CFAP69: variants seen among roughly 807,000 people sequenced by gnomAD.
The protein encoded by CFAP69 is cilia and flagella associated protein 69, also known as cilia- and flagella-associated protein 69.
CFAP69 carries 92 observed loss-of-function variants against 123.0 expected under a neutral mutation model. The ratio of observed to expected loss-of-function variants is 0.75; its 90% CI spans 0.63 to 0.89. The LOEUF (loss-of-function observed/expected upper bound fraction) is 0.89. Ranked by LOEUF, CFAP69 falls within the 40% of genes least tolerant of loss-of-function variation. The pLI is 0.00. For synonymous variants in CFAP69, 380 were observed against 364.3 expected, an observed-to-expected ratio of 1.04 and a Z score of -0.49; for missense variants, 1,067 against 1,096.9, an observed-to-expected ratio of 0.97 and a Z score of 0.39.
chr7:90,309,910 T>C (rs1344494934), intron 22 of CFAP69, among the ~76,000 whole-genome samples, 158 bp from the exon 23 acceptor site: 2 of 152,238 alleles, frequency 1.3e-5, no homozygotes, highest in Non-Finnish European at 2.9e-5. Context: ...CTACTTTTCC[T>C]GGCTCCGATG....
At chr7:90,288,700 A>T (rs982281997) in intron 15 of CFAP69, among the ~76,000 whole-genome samples, 4 of 152,202 alleles carry the variant, frequency 2.6e-5, no homozygotes, top group Non-Finnish European at 5.9e-5. Context: ...TAGGGCACTT[A>T]TAAATGGAGC....
chr7:90,305,903 A>G (rs1208776595), intron 19 of CFAP69, among the ~76,000 whole-genome samples: 3 of 149,042 alleles, frequency 2.0e-5, no homozygotes, highest in Non-Finnish European at 4.5e-5. Flanking sequence ...GTATATTTGG[A>G]TGTTGTAAAT....
chr7:90,291,320 T>A (rs894144227), intron 15 of CFAP69, among the ~76,000 whole-genome samples: 7 of 152,152 alleles, frequency 4.6e-5, no homozygotes, highest in Non-Finnish European at 8.8e-5. Flanking sequence ...GCCATGGCAT[T>A]TGTAAACTGT....
chr7:90,248,771 C>A (rs1796612498), intron 1 of CFAP69, among the ~76,000 whole-genome samples: 1 of 152,060 alleles, frequency 6.6e-6, no homozygotes, highest in Non-Finnish European at 1.5e-5. Context: ...CATACTTTTC[C>A]AGTTTCGAAA....
At chr7:90,273,214 A>C (rs1218803932) in intron 8 of CFAP69, among the ~76,000 whole-genome samples, 1 of 152,192 alleles carries the variant, frequency 6.6e-6, no homozygotes, top group Non-Finnish European at 1.5e-5. Flanking sequence ...AAAACAAGTG[A>C]AAATATAATT....
chr7:90,276,955 C>A, intron 9 of CFAP69, 118 bp from the exon 10 acceptor site: 1 of 694,584 alleles, frequency 1.4e-6, no homozygotes, highest in Non-Finnish European at 2.2e-6. Flanking sequence ...TTTATGAATT[C>A]AAATGAATGA....
rs116258596 is a variant in CFAP69 at position 90,266,336 on chromosome 7, G to A, written c.433+959G>A. 9.8e-3 allele frequency among the ~76,000 whole-genome samples: 1,493 copies of A among 151,974 alleles called. 24 individuals are homozygous for A. The highest frequency in any genetic ancestry group is 0.033 in the African/African-American group (1,364 of 41,466). ...TGAGATTAGGTTAAACATGAAGGGG[G>A]CAATTTAAAGAAAAACACCTTAGGA... On this transcript the variant is annotated intron_variant, in intron 5 of 22. Coordinates refer to ENST00000389297, the MANE Select transcript of CFAP69 (RefSeq NM_001039706.3).
chr7:90,321,832 G>A, the CFAP69 span, among the ~76,000 whole-genome samples: 2 of 152,138 alleles, frequency 1.3e-5, no homozygotes, highest in African/African-American at 4.8e-5. Flanking sequence ...ACCCGAGCAA[G>A]TACCTTGAAT....
chr7:90,291,684 AG>A (rs1360478519), intron 15 of CFAP69, among the ~76,000 whole-genome samples: 6 of 152,102 alleles, frequency 3.9e-5, no homozygotes, highest in Non-Finnish European at 8.8e-5. Context: ...CAGGCTGAAG[AG>A]GGGTGATGAT....
rs1476493819 is a variant in CFAP69 at position 90,297,845 on chromosome 7, A to G, written c.1857+15A>G. 6.5e-7 allele frequency: 1 copy of G among 1,528,876 alleles called. No homozygotes were observed. The allele number at this position is 1,528,876 out of a possible 1,614,324, so 94.7% of individuals were successfully genotyped here. A position where few individuals can be genotyped will look rare whatever the true frequency, so the allele number is the denominator to read the frequency against. ...ATTTGTTAGCAGTAAGTATGGCTAT[A>G]ACAATCATAAGACAAAAGACAAATA... On this transcript the variant is annotated intron_variant, in intron 16 of 22. Coordinates refer to ENST00000389297, the MANE Select transcript of CFAP69 (RefSeq NM_001039706.3).
the CFAP69 span, among the ~76,000 whole-genome samples, chr7:90,322,864 AT>A: frequency 6.6e-6 from 1 of 152,210 alleles, no homozygotes; most frequent in Non-Finnish European, 1.5e-5. Flanking sequence ...ATATAAATCA[AT>A]AATAGAAAAA....
intron 15 of CFAP69, among the ~76,000 whole-genome samples, chr7:90,295,741 A>G (rs753365804): frequency 6.6e-6 from 1 of 152,102 alleles, no homozygotes; most frequent in African/African-American, 2.4e-5. Context: ...AAGAATGGCT[A>G]CTCCATAATC....
chr7:90,322,884 A>G, the CFAP69 span, among the ~76,000 whole-genome samples: 25 of 152,216 alleles, frequency 1.6e-4, no homozygotes, highest in African/African-American at 4.3e-4. Flanking sequence ...AATAAGGGTA[A>G]TTGACAGAAG....
chr7:90,251,266 T>G (rs1584294834), intron 1 of CFAP69, among the ~76,000 whole-genome samples: 1 of 151,998 alleles, frequency 6.6e-6, no homozygotes, highest in African/African-American at 2.4e-5. Flanking sequence ...AAAAGAAAGG[T>G]GTGGGGGAGG....
chr7:90,295,718 A>C (rs1405878099), intron 15 of CFAP69, among the ~76,000 whole-genome samples: 1 of 152,222 alleles, frequency 6.6e-6, no homozygotes, highest in Admixed American at 6.5e-5. Flanking sequence ...TTATTAGGAA[A>C]GTAAAAGAAT....
chr7:90,297,614 G>GT, intron 15 of CFAP69, 135 bp from the exon 16 acceptor site: 1 of 533,016 alleles, frequency 1.9e-6, no homozygotes, highest in Non-Finnish European at 3.2e-6. Flanking sequence ...ATTTTTTTAG[G>GT]TAAAAACATT....
At position 90,246,508 on chromosome 7, in the gene CFAP69, T is replaced by C. The variant is rs1166304753; in HGVS notation, c.120+964T>C. On this transcript the variant is annotated intron_variant, in intron 1 of 22. Coordinates refer to ENST00000389297, the MANE Select transcript of CFAP69 (RefSeq NM_001039706.3). ...GTGGTCAGTTGACTGGGGAATAGAG[T>C]TGAGCTCTCTGAGGTCTGACATTTA... Among the ~76,000 whole-genome samples, 7 of 152,246 alleles carry C rather than the reference T, an allele frequency of 4.6e-5. No individual in the cohort carries two copies. In the East Asian group the frequency reaches 1.4e-3, roughly 29 times the overall value.
chr7:90,322,033 T>TGGTGAGATCATGG, the CFAP69 span, among the ~76,000 whole-genome samples: 1 of 148,748 alleles, frequency 6.7e-6, no homozygotes, highest in African/African-American at 2.5e-5. Flanking sequence ...TGAGCTGGGA[T>TGGTGAGATCATGG]GGTGAGATCA....
chr7:90,252,914 T>C lies in CFAP69; in HGVS notation c.121-2509T>C, dbSNP rs747704188. On this transcript the variant is annotated intron_variant, in intron 1 of 22. Coordinates refer to ENST00000389297, the MANE Select transcript of CFAP69 (RefSeq NM_001039706.3). ...AATGAATAATGATTATGTAGAAGTA[T>C]GGAAAAGTATGTATTGCAGATTTAA... Among the ~76,000 whole-genome samples, 17 of 152,328 alleles carry C rather than the reference T, an allele frequency of 1.1e-4. No homozygotes were observed. In the Middle Eastern group the frequency reaches 0.01, roughly 91 times the overall value.
Sources: allele counts gnomAD v4.1 joint callset (sites outside exome capture counted in the v4.1 genomes callset), GRCh38; gene constraint gnomAD v4.1.1; transcripts MANE v1.5; gene names NCBI Gene and HGNC (gene_info 2026-07-23, HGNC 2026-07-21).